Variants in IQCH observed in about 807,000 individuals in gnomAD.
IQCH encodes IQ motif containing H.
A neutral mutation model predicts 117.0 loss-of-function variants in IQCH; 98 were observed. That is an observed-to-expected ratio of 0.84 (90% CI 0.71 to 0.99). IQCH has a LOEUF of 0.99. Ranked by LOEUF, IQCH falls within the 50% of genes least tolerant of loss-of-function variation. The probability of loss-of-function intolerance (pLI) is 0.00; values close to 1 mark genes in which losing one functional copy is unlikely to be tolerated. For synonymous variants in IQCH, 412 were observed against 448.2 expected (o/e 0.92, Z 1.02); for missense variants, 1,102 against 1,243.8 (o/e 0.89, Z 1.72).
intron 18 of IQCH, among the ~76,000 whole-genome samples, chr15:67,482,329 A>T (rs2083362393): frequency 6.6e-6 from 1 of 152,202 alleles, no homozygotes; most frequent in African/African-American, 2.4e-5. Context: ...TCCAAATGGA[A>T]GTATTTATTG....
intron 4 of IQCH, among the ~76,000 whole-genome samples, chr15:67,281,149 T>C (rs1173665708): frequency 2.6e-5 from 4 of 152,162 alleles, no homozygotes; most frequent in Non-Finnish European, 4.4e-5. Flanking sequence ...TGGCCAGTTG[T>C]ATGACTTTTT....
At position 67,456,902 on chromosome 15, in the gene IQCH, G is replaced by T. The variant is rs901503708; in HGVS notation, c.2506-8225G>T. 3.3e-5 allele frequency among the ~76,000 whole-genome samples: 5 copies of T among 152,150 alleles called. No individual in the cohort carries two copies. The highest frequency in any genetic ancestry group is 1.2e-4 in the African/African-American group (5 of 41,434). ...CCCCATAGAAGGCAGTGTCCAAGGGGATTGGTACAGAGATGGAAGCTCTAG... is the reference window on the plus strand; with the variant it reads ...CCCCATAGAAGGCAGTGTCCAAGGGTATTGGTACAGAGATGGAAGCTCTAG... On this transcript the variant is annotated intron_variant, in intron 16 of 20. Coordinates refer to ENST00000335894, the MANE Select transcript of IQCH (RefSeq NM_001031715.3). The surrounding 1 kb of genome is among the most constrained non-coding windows in gnomAD (Gnocchi z 5.1).
Position 67,376,082 on chromosome 15 carries a change from C to T in IQCH, c.1372+2649C>T, listed in dbSNP as rs376244147. The stretch of plus-strand genomic sequence containing the variant: ...GATTATAGGTGTGAGCCACCGCATC[C>T]GGCCGTGCTTTGGATTTTATACAAA... On this transcript the variant is annotated intron_variant, in intron 10 of 20. Transcript: ENST00000335894. The surrounding 1 kb of genome is among the most constrained non-coding windows in gnomAD (Gnocchi z 5.0). 7.2e-5 allele frequency among the ~76,000 whole-genome samples: 11 copies of T among 152,078 alleles called. No homozygotes were observed. The highest frequency in any genetic ancestry group is 5.9e-4 in the Admixed American group (9 of 15,272).
chr15:67,380,590 T>C (rs1346249371), intron 10 of IQCH, among the ~76,000 whole-genome samples: 7 of 152,226 alleles, frequency 4.6e-5, no homozygotes, highest in Admixed American at 2.6e-4. Context: ...GATGCTGATA[T>C]GCAATCATTT....
At chr15:67,471,983 G>A (rs558530701) in intron 17 of IQCH, among the ~76,000 whole-genome samples, 1 of 152,312 alleles carries the variant, frequency 6.6e-6, no homozygotes, top group African/African-American at 2.4e-5. Flanking sequence ...TATCCTTGAG[G>A]AGCTGAAAAG....
chr15:67,334,936 A>G (rs1968826441), intron 4 of IQCH, among the ~76,000 whole-genome samples: 1 of 152,194 alleles, frequency 6.6e-6, no homozygotes, highest in African/African-American at 2.4e-5. Context: ...CATACGCAGA[A>G]GTGATTATCC....
rs2082951171 is a variant in IQCH, at chr15:67,467,078, C to G, written c.2676+1781C>G. The G allele has an allele frequency of 6.6e-6, 1 of 152,404 alleles. No homozygotes were observed. The highest frequency in any genetic ancestry group is 2.4e-5 in the African/African-American group (1 of 41,440). 9.4% of individuals were successfully genotyped at this position (152,404 alleles called of 1,614,324 possible). A position where few individuals can be genotyped will look rare whatever the true frequency, so the allele number is the denominator to read the frequency against. On this transcript the variant is annotated intron_variant, in intron 17 of 20. Transcript: ENST00000335894. The surrounding 1 kb of genome is among the most constrained non-coding windows in gnomAD (Gnocchi z 5.7). ...GTCTCTACAAAAATACAAAAATTAGCCGGGCATGGTGGTGCATGCCTATAA... is the reference window on the plus strand; with the variant it reads ...GTCTCTACAAAAATACAAAAATTAGGCGGGCATGGTGGTGCATGCCTATAA...
chr15:67,380,859 G>T (rs1970905049), intron 10 of IQCH, among the ~76,000 whole-genome samples: 1 of 152,176 alleles, frequency 6.6e-6, no homozygotes, highest in Non-Finnish European at 1.5e-5. Context: ...TCACCAAACT[G>T]AGGCATGAAT....
Position 67,411,864 on chromosome 15 carries a change from G to A in IQCH, c.2098-5067G>A, listed in dbSNP as rs961249428. On this transcript the variant is annotated intron_variant, in intron 14 of 20. Coordinates refer to ENST00000335894, the MANE Select transcript of IQCH (RefSeq NM_001031715.3). The surrounding 1 kb of genome is among the most constrained non-coding windows in gnomAD (Gnocchi z 4.4). ...CCTTCAAATTTACACTTTCTTGATA[G>A]AAAAAGAGAGAGCAAGAGGCAAGTT... Among the ~76,000 whole-genome samples the A allele has an allele frequency of 6.6e-6, 1 of 152,174 alleles. No homozygotes were observed. Among genetic ancestry groups the A allele is most frequent in the Non-Finnish European group, 1.5e-5 (1 of 68,042 alleles).
intron 3 of IQCH, among the ~76,000 whole-genome samples, chr15:67,271,608 G>A (rs1416231516): frequency 6.6e-6 from 1 of 152,096 alleles, no homozygotes; most frequent in Admixed American, 6.5e-5. Flanking sequence ...TTATTGGTTT[G>A]TTGAGGCTTT....
chr15:67,271,374 T>TTTG (rs571467126), intron 3 of IQCH, among the ~76,000 whole-genome samples: 74 of 152,322 alleles, frequency 4.9e-4, no homozygotes, highest in Admixed American at 4.1e-3. Context: ...AGTTTTCTTT[T>TTTG]TTGTTGTTGT....
chr15:67,287,678 AGTTT>A (rs1966612393), intron 4 of IQCH, among the ~76,000 whole-genome samples: 1 of 151,818 alleles, frequency 6.6e-6, no homozygotes, highest in South Asian at 2.1e-4. Context: ...AAGGTTTATC[AGTTT>A]GTTTATCTTT....
At chr15:67,420,851 C>G (rs1448350889) in intron 15 of IQCH, among the ~76,000 whole-genome samples, 2 of 152,180 alleles carry the variant, frequency 1.3e-5, no homozygotes, top group African/African-American at 4.8e-5. Context: ...AAGCCCAAAC[C>G]TGTCAAACCT....
chr15:67,432,852 TAATG>T lies in IQCH; in HGVS notation c.2505+11287_2505+11290del, dbSNP rs1482596330. 6.6e-6 allele frequency among the ~76,000 whole-genome samples: 1 copy of T among 152,198 alleles called. No homozygotes were observed. Among genetic ancestry groups the T allele is most frequent in the Non-Finnish European group, 1.5e-5 (1 of 68,022 alleles). On this transcript the variant is annotated intron_variant, in intron 16 of 20. Coordinates refer to ENST00000335894, the MANE Select transcript of IQCH (RefSeq NM_001031715.3). This position sits in a 1 kb window ranked among gnomAD's most constrained non-coding sequence, Gnocchi z 5.0. ...AATAGATGTTCAATAAATATTTATTTAATGAATGAATGAATACTTCTCTAAATCC... is the reference window on the plus strand; with the variant it reads ...AATAGATGTTCAATAAATATTTATTTAATGAATGAATACTTCTCTAAATCC...
chr15:67,499,112 CAG>C (rs945331073), intron 20 of IQCH, among the ~76,000 whole-genome samples: 7 of 151,900 alleles, frequency 4.6e-5, no homozygotes, highest in African/African-American at 1.5e-4. Flanking sequence ...GCCCAGGAAA[CAG>C]AGTGAGACCT....
chr15:67,351,356 C>T (rs1969655407), intron 6 of IQCH, among the ~76,000 whole-genome samples: 1 of 151,828 alleles, frequency 6.6e-6, no homozygotes, highest in Non-Finnish European at 1.5e-5. Flanking sequence ...TTTTCTGTTC[C>T]TGTGTTAGTT....
rs192307579 is a variant in IQCH, at chr15:67,394,435, G to T, written c.1633-856G>T. Among the ~76,000 whole-genome samples the T allele has an allele frequency of 7.8e-4, 119 of 152,166 alleles. 6 individuals carry two copies. Among genetic ancestry groups the T allele is most frequent in the Middle Eastern group, 6.8e-3 (2 of 294 alleles). On this transcript the variant is annotated intron_variant, in intron 12 of 20. Coordinates refer to ENST00000335894, the MANE Select transcript of IQCH (RefSeq NM_001031715.3). Reference sequence around the variant, plus strand: ...GCCTTTTCAGCATTCCCCACCAGCAGGCCTCTTGAGTACTCGGCAGATCCT... The same window carrying T: ...GCCTTTTCAGCATTCCCCACCAGCATGCCTCTTGAGTACTCGGCAGATCCT...
At chr15:67,275,571 T>A (rs1194911760) in intron 3 of IQCH, among the ~76,000 whole-genome samples, 2 of 152,156 alleles carry the variant, frequency 1.3e-5, no homozygotes, top group Non-Finnish European at 2.9e-5. Flanking sequence ...TCAACATATA[T>A]GAAAAAATTT....
rs538601860 is a variant in IQCH at position 67,366,186 on chromosome 15, T to G, written c.754-5925T>G. On this transcript the variant is annotated intron_variant, in intron 8 of 20. Transcript: ENST00000335894. This position sits in a 1 kb window ranked among gnomAD's most constrained non-coding sequence, Gnocchi z 4.4. ...ATCTGGGAATCCAGGCTGCTTTTGA[T>G]TCCCATCCTGTCAGGCTTCCTGTCC... 6.6e-6 allele frequency among the ~76,000 whole-genome samples: 1 copy of G among 152,334 alleles called. No individual in the cohort carries two copies. The highest frequency in any genetic ancestry group is 2.1e-4 in the South Asian group (1 of 4,826).
Sources: gnomAD v4.1 joint callset for allele counts (sites outside exome capture counted in the v4.1 genomes callset) on GRCh38, gnomAD v4.1.1 for gene constraint, Gnocchi (gnomAD v3.1) non-coding constraint, MANE v1.5 for transcripts, NCBI Gene and HGNC (gene_info 2026-07-23, HGNC 2026-07-21) for gene names.